TAFA4: variants seen among roughly 807,000 people sequenced by gnomAD.
The protein encoded by TAFA4 is TAFA chemokine like family member 4.
TAFA4 carries 20 observed loss-of-function variants against 21.1 expected under a neutral mutation model. The observed-to-expected ratio is 0.95, with a 90% CI of 0.67 to 1.38. TAFA4 has a LOEUF of 1.38. Ranked by LOEUF, TAFA4 falls within the 40% of genes most tolerant of loss-of-function variation. The pLI is 0.00. For missense variants in TAFA4, 211 were observed against 180.9 expected, an observed-to-expected ratio of 1.17 and a Z score of -0.95; for synonymous variants, 71 against 67.4, an observed-to-expected ratio of 1.05 and a Z score of -0.26.
At chr3:68,855,681 T>C (rs1437413176) in intron 3 of TAFA4, among the ~76,000 whole-genome samples, 1 of 152,062 alleles carries the variant, frequency 6.6e-6, no homozygotes, top group Non-Finnish European at 1.5e-5. Context: ...TCTATATATG[T>C]ATATACGTGT....
At chr3:68,737,295 T>G (rs1702261095) in intron 5 of TAFA4, among the ~76,000 whole-genome samples, 2 of 152,132 alleles carry the variant, frequency 1.3e-5, no homozygotes, top group East Asian at 3.9e-4. Context: ...GGAAATTATC[T>G]TAAGGCAGGG....
intron 3 of TAFA4, among the ~76,000 whole-genome samples, chr3:68,780,880 C>G (rs1423882574): frequency 6.9e-6 from 1 of 144,894 alleles, no homozygotes; most frequent in Non-Finnish European, 1.5e-5. Flanking sequence ...TTCATCAAGT[C>G]AGATCATATT....
At chr3:68,859,079 G>A (rs779635938) in intron 3 of TAFA4, among the ~76,000 whole-genome samples, 13 of 151,910 alleles carry the variant, frequency 8.6e-5, no homozygotes, top group Non-Finnish European at 1.8e-4. Context: ...TTTCAGTGTT[G>A]TGCCAATTTA....
At chr3:68,889,372 C>A (rs2089708716) in intron 1 of TAFA4, among the ~76,000 whole-genome samples, 1 of 152,166 alleles carries the variant, frequency 6.6e-6, no homozygotes, top group Admixed American at 6.5e-5. Flanking sequence ...TTCCATGTTA[C>A]ACAAGAAAGA....
chr3:68,910,746 A>T lies in TAFA4; in HGVS notation c.-123+21494T>A, dbSNP rs1327933135. Among the ~76,000 whole-genome samples, 3 of 152,324 alleles carry T rather than the reference A, an allele frequency of 2.0e-5. No homozygotes were observed. In the East Asian group the frequency reaches 5.8e-4, roughly 29 times the overall value. On this transcript the variant is annotated intron_variant, in intron 1 of 5. Coordinates refer to ENST00000295569, the MANE Select transcript of TAFA4 (RefSeq NM_182522.5). ...GAATTGTTCTGCAGGGTTGTACACA[A>T]AAATATTTTATGGGATTTTGCAGGG...
At chr3:68,743,212 T>C (rs774103864) in intron 4 of TAFA4, among the ~76,000 whole-genome samples, 6 of 152,104 alleles carry the variant, frequency 3.9e-5, no homozygotes, top group African/African-American at 9.7e-5. Flanking sequence ...TCTAGCCAAA[T>C]TGGTTATTTA....
intron 1 of TAFA4, among the ~76,000 whole-genome samples, chr3:68,895,475 C>T (rs1378746846): frequency 6.6e-6 from 1 of 151,990 alleles, no homozygotes; most frequent in African/African-American, 2.4e-5. Context: ...CAGAAAAGGT[C>T]TGTATATGTG....
intron 3 of TAFA4, among the ~76,000 whole-genome samples, chr3:68,824,634 A>C (rs1028893368): frequency 6.6e-6 from 1 of 152,212 alleles, no homozygotes; most frequent in South Asian, 2.1e-4. Context: ...TCGAATGTGC[A>C]TCTCCTTAAG....
chr3:68,745,660 CTCTATTG>C (rs1702444324), intron 4 of TAFA4, among the ~76,000 whole-genome samples: 1 of 152,192 alleles, frequency 6.6e-6, no homozygotes, highest in Admixed American at 6.5e-5. Context: ...TTTCCTTACT[CTCTATTG>C]TATAAAATGA....
chr3:68,795,451 C>A (rs920357844), intron 3 of TAFA4, among the ~76,000 whole-genome samples: 1 of 152,016 alleles, frequency 6.6e-6, no homozygotes, highest in Non-Finnish European at 1.5e-5. Flanking sequence ...TTGCATTTAC[C>A]CCTAGCCACA....
intron 4 of TAFA4, among the ~76,000 whole-genome samples, chr3:68,749,989 C>G (rs553458938): frequency 7.2e-5 from 11 of 152,328 alleles, no homozygotes; most frequent in African/African-American, 2.6e-4. Flanking sequence ...TGCATCATCA[C>G]AGAACATTTT....
intron 1 of TAFA4, among the ~76,000 whole-genome samples, chr3:68,908,534 AAT>A (rs1037416954): frequency 1.2e-4 from 19 of 152,168 alleles, no homozygotes; most frequent in African/African-American, 4.3e-4. Context: ...AAAAAAAAAA[AAT>A]ATCCATCAAG....
At position 68,751,723 on chromosome 3, in the gene TAFA4, G is replaced by T. The variant is rs540392000; in HGVS notation, c.286+1140C>A. Among the ~76,000 whole-genome samples, 42 of 152,242 alleles carry T rather than the reference G, an allele frequency of 2.8e-4. No individual in the cohort carries two copies. The South Asian group carries it at 8.5e-3, about 31-fold the overall frequency. ...AGTTCTTTATCCAGCCTTATCCCATGCTGCATGAATATTCATACATTTCAC... is the reference window on the plus strand; with the variant it reads ...AGTTCTTTATCCAGCCTTATCCCATTCTGCATGAATATTCATACATTTCAC... On this transcript the variant is annotated intron_variant, in intron 4 of 5. Transcript: ENST00000295569.
At chr3:68,761,060 G>T (rs958345803) in intron 3 of TAFA4, among the ~76,000 whole-genome samples, 2 of 152,200 alleles carry the variant, frequency 1.3e-5, no homozygotes, top group African/African-American at 4.8e-5. Context: ...ACAAAAGACA[G>T]GGTATTGAAC....
At chr3:68,911,592 T>C (rs1575669753) in intron 1 of TAFA4, among the ~76,000 whole-genome samples, 1 of 152,328 alleles carries the variant, frequency 6.6e-6, no homozygotes, top group South Asian at 2.1e-4. Flanking sequence ...GAGTCTTCTA[T>C]GGGCTGGACA....
chr3:68,860,704 T>G (rs2089324888), intron 3 of TAFA4, among the ~76,000 whole-genome samples: 1 of 152,158 alleles, frequency 6.6e-6, no homozygotes, highest in South Asian at 2.1e-4. Flanking sequence ...CTCAAAAATT[T>G]CATGGAAGAT....
intron 1 of TAFA4, among the ~76,000 whole-genome samples, chr3:68,931,883 C>T (rs1175471622): frequency 1.3e-5 from 2 of 152,158 alleles, no homozygotes; most frequent in Non-Finnish European, 1.5e-5. Flanking sequence ...AAAGAGCTCA[C>T]GGTGAGTTCA....
chr3:68,904,080 AAC>A (rs1418794632), intron 1 of TAFA4, among the ~76,000 whole-genome samples: 6 of 152,048 alleles, frequency 3.9e-5, no homozygotes, highest in South Asian at 4.2e-4. Flanking sequence ...AAAAAAAAAA[AAC>A]AATTTGCCAT....
Position 68,810,374 on chromosome 3 carries a change from C to T in TAFA4, c.131-57356G>A, listed in dbSNP as rs183239643. 8.8e-3 allele frequency among the ~76,000 whole-genome samples: 1,344 copies of T among 152,264 alleles called. 12 individuals carry two copies. Among genetic ancestry groups the T allele is most frequent in the Non-Finnish European group, 0.015 (1,003 of 68,028 alleles). ...AAGCATGAGCCGAAGCAGGGCAAGA[C>T]ATCACCTCACCTGGGAAGCACAAGG... On this transcript the variant is annotated intron_variant, in intron 3 of 5. Transcript: ENST00000295569.
Sources: gnomAD v4.1 joint callset for allele counts (sites outside exome capture counted in the v4.1 genomes callset) on GRCh38, gnomAD v4.1.1 for gene constraint, MANE v1.5 for transcripts, NCBI Gene and HGNC (gene_info 2026-07-23, HGNC 2026-07-21) for gene names.